CD58: variants seen among roughly 807,000 people sequenced by gnomAD.
The protein encoded by CD58 is CD58 molecule, also known as lymphocyte function-associated antigen 3.
A neutral mutation model predicts 27.6 loss-of-function variants in CD58; 14 were observed. The ratio of observed to expected loss-of-function variants is 0.51; its 90% CI spans 0.34 to 0.79. The LOEUF (loss-of-function observed/expected upper bound fraction) is 0.79. Ranked by LOEUF, CD58 falls within the 30% of genes least tolerant of loss-of-function variation. The pLI is 0.02. For missense variants in CD58, 268 were observed against 301.7 expected (o/e 0.89, Z 0.83); for synonymous variants, 117 against 103.8 (o/e 1.13, Z -0.77).
rs1657899322 is a variant in CD58, at chr1:116,538,791, A to G, written c.365-2563T>C. ...CCTTTCAACCACAGCACATGACATA[A>G]TGCAAGGCACACAGATGGCTCCTCA... On this transcript the variant is annotated intron_variant, in intron 2 of 5. Coordinates refer to ENST00000369489, the MANE Select transcript of CD58 (RefSeq NM_001779.3). This position sits in a 1 kb window ranked among gnomAD's most constrained non-coding sequence, Gnocchi z 4.7. Among the ~76,000 whole-genome samples the G allele has an allele frequency of 6.6e-6, 1 of 152,222 alleles. No homozygotes were observed. The highest frequency in any genetic ancestry group is 1.5e-5 in the Non-Finnish European group (1 of 68,040).
intron 1 of CD58, among the ~76,000 whole-genome samples, chr1:116,567,570 C>T (rs1453084978): frequency 1.3e-5 from 2 of 152,036 alleles, no homozygotes; most frequent in African/African-American, 2.4e-5. Context: ...CCTCAGAGGT[C>T]GAGGCTGGAG....
intron 2 of CD58, among the ~76,000 whole-genome samples, chr1:116,542,211 T>C (rs1658010560): frequency 6.6e-6 from 1 of 152,066 alleles, no homozygotes; most frequent in Non-Finnish European, 1.5e-5. Context: ...CCGGGAGGCA[T>C]AGGTTGCAGT....
rs1659089442 is a variant in CD58 at position 116,570,085 on chromosome 1, C to T, written c.70+818G>A. Among the ~76,000 whole-genome samples the T allele has an allele frequency of 6.6e-6, 1 of 152,194 alleles. No individual in the cohort carries two copies. The highest frequency in any genetic ancestry group is 2.4e-5 in the African/African-American group (1 of 41,440). ...GGGTGCAGGAGCCAGCCATGAGAAC[C>T]CCTCAAGTACAGTTGAACTCGCTGG... On this transcript the variant is annotated intron_variant, in intron 1 of 5. Coordinates refer to ENST00000369489, the MANE Select transcript of CD58 (RefSeq NM_001779.3). This position sits in a 1 kb window ranked among gnomAD's most constrained non-coding sequence, Gnocchi z 6.4.
At position 116,534,099 on chromosome 1, in the gene CD58, G is replaced by T; in HGVS notation, c.628+1866C>A. ...AAAAACTGTTATCTGCCATCTGAATGTTTTTATCCCCTTGTCTGGTAAACC... is the reference window on the plus strand; with the variant it reads ...AAAAACTGTTATCTGCCATCTGAATTTTTTTATCCCCTTGTCTGGTAAACC... On this transcript the variant is annotated intron_variant, in intron 3 of 5. Coordinates refer to ENST00000369489, the MANE Select transcript of CD58 (RefSeq NM_001779.3). The surrounding 1 kb of genome is among the most constrained non-coding windows in gnomAD (Gnocchi z 5.3). The T allele has an allele frequency of 1.3e-6, 1 of 784,254 alleles. No individual in the cohort carries two copies. Among genetic ancestry groups the T allele is most frequent in the Non-Finnish European group, 2.3e-6 (1 of 440,546 alleles). The allele number at this position is 784,254 out of a possible 1,614,324, so 48.6% of individuals were successfully genotyped here. A position where few individuals can be genotyped will look rare whatever the true frequency, so the allele number is the denominator to read the frequency against.
chr1:116,547,104 G>C (rs1173035584), intron 1 of CD58, among the ~76,000 whole-genome samples: 3 of 142,784 alleles, frequency 2.1e-5, no homozygotes, highest in Non-Finnish European at 4.5e-5. Context: ...TGTGATTTCT[G>C]AGATTCTGGT....
In CD58 at chr1:116,557,610, CTTTCTT is replaced by C. The variant is rs1658605560; in HGVS notation, c.71-13012_71-13007del. 1.3e-5 allele frequency among the ~76,000 whole-genome samples: 2 copies of C among 152,180 alleles called. No homozygotes were observed. Among genetic ancestry groups the C allele is most frequent in the South Asian group, 4.2e-4 (2 of 4,818 alleles). On this transcript the variant is annotated intron_variant, in intron 1 of 5. Transcript: ENST00000369489. This position sits in a 1 kb window ranked among gnomAD's most constrained non-coding sequence, Gnocchi z 5.2. ...TTCACTGATGTCATTTCTTTCTTTTCTTTCTTTTTATTTTTCTCTTTCTTTCCCTCT... is the reference window on the plus strand; with the variant it reads ...TTCACTGATGTCATTTCTTTCTTTTCTTTATTTTTCTCTTTCTTTCCCTCT...
Position 116,544,480 on chromosome 1 carries a change from T to G in CD58, c.195A>C (p.Glu65Asp), listed in dbSNP as rs1658089853. Residue 65 changes from glutamate (E) to aspartate (D), a missense_variant, in exon 2 of 6, where the codon GAA (glutamate) becomes GAC (aspartate). Glu to Asp is a conservative substitution (Grantham distance 45). Transcript: ENST00000369489. ...AAGCTCTGAATTCAGAATTTTCCAGTTCTGCAACTTTATCCTTTTGTTTTT... is the reference window on the plus strand; with the variant it reads ...AAGCTCTGAATTCAGAATTTTCCAGGTCTGCAACTTTATCCTTTTGTTTTT... ...LWKKQKDKVA[E>D]LENSEFRAFS... 1 of 1,614,154 alleles carries G rather than the reference T, an allele frequency of 6.2e-7. No homozygotes were observed. The highest frequency in any genetic ancestry group is 8.5e-7 in the Non-Finnish European group (1 of 1,180,010).
intron 1 of CD58, among the ~76,000 whole-genome samples, chr1:116,556,198 T>C (rs373736125): frequency 2.3e-4 from 29 of 127,938 alleles, no homozygotes; most frequent in African/African-American, 8.8e-4. Context: ...GAGGTTGCAG[T>C]GGCCAAGACT....
chr1:116,561,111 C>A (rs1231352809), intron 1 of CD58, among the ~76,000 whole-genome samples: 1 of 152,168 alleles, frequency 6.6e-6, no homozygotes, highest in African/African-American at 2.4e-5. Flanking sequence ...GAAACCAATA[C>A]CTACCCTCAA....
At chr1:116,520,884 A>G (rs1312650078) in intron 4 of CD58, among the ~76,000 whole-genome samples, 2 of 152,196 alleles carry the variant, frequency 1.3e-5, no homozygotes, top group Non-Finnish European at 2.9e-5. Context: ...AAATGTTATC[A>G]TCAGGAAATT....
Position 116,546,210 on chromosome 1 carries a change from T to G in CD58, c.71-1606A>C, listed in dbSNP as rs547549158. Reference sequence around the variant, plus strand: ...AAACTGCAGCTATTTTAAGTTAACATTAAAGAGCAATTAAAATTTGACTGA... The same window carrying G: ...AAACTGCAGCTATTTTAAGTTAACAGTAAAGAGCAATTAAAATTTGACTGA... On this transcript the variant is annotated intron_variant, in intron 1 of 5. Coordinates refer to ENST00000369489, the MANE Select transcript of CD58 (RefSeq NM_001779.3). The surrounding 1 kb of genome is among the most constrained non-coding windows in gnomAD (Gnocchi z 4.1). Among the ~76,000 whole-genome samples, 2 of 152,252 alleles carry G rather than the reference T, an allele frequency of 1.3e-5. No homozygotes were observed. Among genetic ancestry groups the G allele is most frequent in the Admixed American group, 1.3e-4 (2 of 15,286 alleles).
At position 116,559,558 on chromosome 1, in the gene CD58, A is replaced by C. The variant is rs564106059; in HGVS notation, c.70+11345T>G. ...ATTTCCTTAAGACAGAGATTTACTG[A>C]TTTCAGCCACACCACCACCAGTTTC... is the stretch of plus-strand genomic sequence containing the variant. On this transcript the variant is annotated intron_variant, in intron 1 of 5. Transcript: ENST00000369489. This position sits in a 1 kb window ranked among gnomAD's most constrained non-coding sequence, Gnocchi z 4.4. Among the ~76,000 whole-genome samples the C allele has an allele frequency of 5.0e-4, 76 of 152,156 alleles. No homozygotes were observed. The highest frequency in any genetic ancestry group is 1.8e-3 in the African/African-American group (74 of 41,500).
At chr1:116,518,641 A>T (rs1226312060) in intron 5 of CD58, 5 of 985,342 alleles carry the variant, frequency 5.1e-6, no homozygotes, top group Non-Finnish European at 6.0e-6. Context: ...CACCCAGCTC[A>T]TGCCTCTGCC....
At chr1:116,542,643 C>A (rs1658028054) in intron 2 of CD58, among the ~76,000 whole-genome samples, 1 of 152,140 alleles carries the variant, frequency 6.6e-6, no homozygotes, top group Admixed American at 6.6e-5. Context: ...TTAAAATGAA[C>A]CATCAACTTA....
At position 116,534,723 on chromosome 1, in the gene CD58, T is replaced by C. The variant is rs549389008; in HGVS notation, c.628+1242A>G. On this transcript the variant is annotated intron_variant, in intron 3 of 5. Coordinates refer to ENST00000369489, the MANE Select transcript of CD58 (RefSeq NM_001779.3). The surrounding 1 kb of genome is among the most constrained non-coding windows in gnomAD (Gnocchi z 5.3). ...GTCTTTCCTTTCCCAAAAGTGACTC[T>C]GCTTTGTCTGAAAATAATATAACTT... Among the ~76,000 whole-genome samples, 2 of 152,266 alleles carry C rather than the reference T, an allele frequency of 1.3e-5. No individual in the cohort carries two copies. Among genetic ancestry groups the C allele is most frequent in the South Asian group, 4.1e-4 (2 of 4,838 alleles).
intron 1 of CD58, among the ~76,000 whole-genome samples, chr1:116,558,835 T>A (rs1280074088): frequency 6.6e-6 from 1 of 152,198 alleles, no homozygotes; most frequent in African/African-American, 2.4e-5. Flanking sequence ...CCAAGAGCTG[T>A]TTGTGTATTA....
intron 1 of CD58, among the ~76,000 whole-genome samples, chr1:116,561,331 T>C (rs1357662501): frequency 1.3e-5 from 2 of 152,160 alleles, no homozygotes; most frequent in African/African-American, 2.4e-5. Flanking sequence ...TTGTGACAAG[T>C]GGGGAAATCT....
In CD58 at chr1:116,538,199, C is replaced by T. The variant is rs539374211; in HGVS notation, c.365-1971G>A. On this transcript the variant is annotated intron_variant, in intron 2 of 5. Coordinates refer to ENST00000369489, the MANE Select transcript of CD58 (RefSeq NM_001779.3). The surrounding 1 kb of genome is among the most constrained non-coding windows in gnomAD (Gnocchi z 4.7). ...TTAAGATTTTCTTTAATTAAAAAGA[C>T]TTTTAATCATCTTTTAAGCAGTGGA... Among the ~76,000 whole-genome samples the T allele has an allele frequency of 8.5e-4, 130 of 152,246 alleles. No homozygotes were observed. The highest frequency in any genetic ancestry group is 1.7e-3 in the Non-Finnish European group (114 of 68,012).
chr1:116,549,621 C>T (rs1658319718), intron 1 of CD58, among the ~76,000 whole-genome samples: 1 of 152,196 alleles, frequency 6.6e-6, no homozygotes, highest in Non-Finnish European at 1.5e-5. Flanking sequence ...TACATAGACA[C>T]ATACATACAA....
Sources: allele counts gnomAD v4.1 joint callset (sites outside exome capture counted in the v4.1 genomes callset), GRCh38; gene constraint gnomAD v4.1.1; non-coding constraint Gnocchi (gnomAD v3.1); transcripts MANE v1.5; gene names NCBI Gene and HGNC (gene_info 2026-07-23, HGNC 2026-07-21).